The following SORCS1 variants were observed in gnomAD, a reference collection of about 807,000 sequenced individuals.
SORCS1 encodes sortilin related VPS10 domain containing receptor 1, also known as VPS10 domain-containing receptor SorCS1.
Under a neutral mutation model 146.1 loss-of-function variants are expected in SORCS1, and 60 were observed. The observed-to-expected ratio is 0.41, with a 90% CI of 0.33 to 0.51. The LOEUF (loss-of-function observed/expected upper bound fraction) is 0.51, where lower values mean the gene tolerates loss of function less well. Ranked by LOEUF, SORCS1 falls within the 20% of genes least tolerant of loss-of-function variation. The probability of loss-of-function intolerance (pLI) is 0.21; values close to 1 mark genes in which losing one functional copy is unlikely to be tolerated. For synonymous variants in SORCS1, 637 were observed against 584.0 expected (o/e 1.09, Z -1.31); for missense variants, 1,352 against 1,487.6 (o/e 0.91, Z 1.50).
intron 5 of SORCS1, among the ~76,000 whole-genome samples, chr10:106,734,513 C>T (rs1856815116): frequency 1.3e-5 from 2 of 152,138 alleles, no homozygotes. Flanking sequence ...CTTTCTGTAC[C>T]TCTGTGCCAG....
the SORCS1 span, among the ~76,000 whole-genome samples, chr10:107,177,522 G>A: frequency 6.6e-6 from 1 of 152,010 alleles, no homozygotes; most frequent in Non-Finnish European, 1.5e-5. Context: ...ATATTTATAG[G>A]ATCTGTTGCA....
intron 2 of SORCS1, among the ~76,000 whole-genome samples, chr10:106,950,313 G>C (rs1589772081): frequency 6.6e-6 from 1 of 152,216 alleles, no homozygotes; most frequent in East Asian, 1.9e-4. Flanking sequence ...TTGATATCCA[G>C]CAAGGCTTAC....
At chr10:106,773,341 C>T (rs1860169900) in intron 4 of SORCS1, among the ~76,000 whole-genome samples, 1 of 152,348 alleles carries the variant, frequency 6.6e-6, no homozygotes, top group African/African-American at 2.4e-5. Context: ...TTCCACGACC[C>T]ATGGGGGACT....
At chr10:106,896,762 T>G (rs1008802758) in intron 2 of SORCS1, among the ~76,000 whole-genome samples, 1 of 151,890 alleles carries the variant, frequency 6.6e-6, no homozygotes, top group African/African-American at 2.4e-5. Flanking sequence ...ATTACAAATA[T>G]TAACACTTTA....
chr10:106,859,353 G>A (rs1285724748), intron 2 of SORCS1, among the ~76,000 whole-genome samples: 1 of 152,148 alleles, frequency 6.6e-6, no homozygotes, highest in African/African-American at 2.4e-5. Context: ...TCTTCTTTCA[G>A]CCGATCACAA....
intron 6 of SORCS1, among the ~76,000 whole-genome samples, chr10:106,718,378 T>C (rs11193020): frequency 0.037 from 5,698 of 152,290 alleles, 316 homozygotes; most frequent in African/African-American, 0.12. Flanking sequence ...TGAATGAAGC[T>C]GCAGACCCTC....
At chr10:107,106,535 C>T in intron 1 of SORCS1, among the ~76,000 whole-genome samples, 1 of 152,190 alleles carries the variant, frequency 6.6e-6, no homozygotes, top group Non-Finnish European at 1.5e-5. Flanking sequence ...GGCATTATAA[C>T]AAAAAACTAT....
At chr10:106,859,954 G>A (rs1589572628) in intron 2 of SORCS1, among the ~76,000 whole-genome samples, 2 of 152,142 alleles carry the variant, frequency 1.3e-5, no homozygotes, top group African/African-American at 2.4e-5. Flanking sequence ...AGGTTGAACC[G>A]AACACACTAT....
intron 2 of SORCS1, among the ~76,000 whole-genome samples, chr10:106,931,950 CT>C (rs1394198041): frequency 6.6e-6 from 1 of 152,120 alleles, no homozygotes; most frequent in Non-Finnish European, 1.5e-5. Context: ...GGAAAAATAT[CT>C]CATGGGGAAA....
intron 21 of SORCS1, among the ~76,000 whole-genome samples, chr10:106,613,388 C>A (rs934082041): frequency 1.3e-5 from 2 of 152,108 alleles, no homozygotes; most frequent in Non-Finnish European, 2.9e-5. Flanking sequence ...GACTACTCTG[C>A]AGTCTGAGGA....
chr10:106,838,109 T>C (rs1410471927), intron 2 of SORCS1, among the ~76,000 whole-genome samples: 1 of 152,206 alleles, frequency 6.6e-6, no homozygotes, highest in African/African-American at 2.4e-5. Context: ...TTTTCTTGTG[T>C]TACCCAGTGG....
intron 2 of SORCS1, among the ~76,000 whole-genome samples, chr10:106,903,069 C>T (rs1272770512): frequency 6.6e-6 from 1 of 152,146 alleles, no homozygotes; most frequent in Non-Finnish European, 1.5e-5. Flanking sequence ...CAGAGCAAGA[C>T]TCTGTCTCAA....
At chr10:106,928,531 A>C (rs1022795760) in intron 2 of SORCS1, among the ~76,000 whole-genome samples, 5 of 152,192 alleles carry the variant, frequency 3.3e-5, no homozygotes, top group African/African-American at 1.2e-4. Flanking sequence ...CCAGCCCAGA[A>C]AGGGGCTCCC....
intron 18 of SORCS1, among the ~76,000 whole-genome samples, chr10:106,636,776 C>T (rs138627447): frequency 7.9e-5 from 12 of 152,278 alleles, no homozygotes; most frequent in African/African-American, 2.9e-4. Context: ...AGAACTCAGA[C>T]CTGTTCAAAT....
At chr10:106,742,071 G>C (rs1270745520) in intron 5 of SORCS1, among the ~76,000 whole-genome samples, 2 of 152,162 alleles carry the variant, frequency 1.3e-5, no homozygotes, top group Non-Finnish European at 2.9e-5. Context: ...AGAAGGAAAA[G>C]AGATCCAGTC....
At chr10:106,865,042 C>T (rs1248720209) in intron 2 of SORCS1, among the ~76,000 whole-genome samples, 1 of 152,048 alleles carries the variant, frequency 6.6e-6, no homozygotes, top group East Asian at 1.9e-4. Context: ...GTTTTGGTGA[C>T]TTAGCTGTCC....
intron 2 of SORCS1, among the ~76,000 whole-genome samples, chr10:106,925,895 T>C (rs1291278574): frequency 6.6e-6 from 1 of 152,224 alleles, no homozygotes; most frequent in East Asian, 1.9e-4. Flanking sequence ...TATTGGGCTC[T>C]CTAAAACAGT....
At chr10:106,955,674 G>A (rs564454444) in intron 2 of SORCS1, among the ~76,000 whole-genome samples, 1 of 152,330 alleles carries the variant, frequency 6.6e-6, no homozygotes, top group East Asian at 1.9e-4. Context: ...GACCACCATG[G>A]AAGGGAAGTT....
At chr10:106,894,093 G>T (rs1274865223) in intron 2 of SORCS1, among the ~76,000 whole-genome samples, 1 of 152,152 alleles carries the variant, frequency 6.6e-6, no homozygotes, top group African/African-American at 2.4e-5. Flanking sequence ...CAGAGGGGTG[G>T]GTGGAAGCAG....
Sources: gnomAD v4.1 joint callset for allele counts (sites outside exome capture counted in the v4.1 genomes callset) on GRCh38, gnomAD v4.1.1 for gene constraint, MANE v1.5 for transcripts, NCBI Gene and HGNC (gene_info 2026-07-23, HGNC 2026-07-21) for gene names.